The following GRM8 variants were observed in gnomAD, a reference collection of about 807,000 sequenced individuals.
GRM8 encodes the protein metabotropic glutamate receptor 8.
Under a neutral mutation model 87.2 loss-of-function variants are expected in GRM8, and 47 were observed. The ratio of observed to expected loss-of-function variants is 0.54; its 90% confidence interval spans 0.43 to 0.69. The LOEUF (loss-of-function observed/expected upper bound fraction) is 0.69, where lower values mean the gene tolerates loss of function less well. Ranked by LOEUF, GRM8 falls within the 30% of genes least tolerant of loss-of-function variation. The pLI, the probability that GRM8 is intolerant of heterozygous loss-of-function variation, is 0.00. For synonymous variants in GRM8, 396 were observed against 404.5 expected (o/e 0.98, Z 0.25); for missense variants, 1,019 against 1,139.2 (o/e 0.89, Z 1.52).
At chr7:126,464,381 G>A (rs1286937899) in intron 9 of GRM8, among the ~76,000 whole-genome samples, 1 of 150,342 alleles carries the variant, frequency 6.7e-6, no homozygotes. Context: ...AGATCATTGG[G>A]TCTTGTAGTT....
intron 9 of GRM8, among the ~76,000 whole-genome samples, chr7:126,530,948 A>G (rs946844036): frequency 1.1e-4 from 16 of 152,136 alleles, no homozygotes; most frequent in Admixed American, 1.0e-3. Context: ...AGCTTGGACT[A>G]TAGGTGCACG....
At chr7:127,033,864 C>T (rs1052574510) in intron 3 of GRM8, among the ~76,000 whole-genome samples, 3 of 152,184 alleles carry the variant, frequency 2.0e-5, no homozygotes, top group African/African-American at 7.2e-5. Flanking sequence ...AAACACATTG[C>T]TTTTAATCTA....
chr7:126,706,133 T>A (rs2151413671), intron 7 of GRM8, among the ~76,000 whole-genome samples: 2 of 152,306 alleles, frequency 1.3e-5, no homozygotes, highest in Middle Eastern at 6.8e-3. Context: ...TTTCTCTTTG[T>A]TTCAATATCC....
intron 7 of GRM8, among the ~76,000 whole-genome samples, chr7:126,684,994 T>G (rs2151345612): frequency 6.6e-6 from 1 of 152,206 alleles, no homozygotes; most frequent in Non-Finnish European, 1.5e-5. Flanking sequence ...GAGGCACAAG[T>G]GGTAGCAGCA....
chr7:126,706,692 T>C (rs1467735601), intron 7 of GRM8, among the ~76,000 whole-genome samples: 3 of 152,138 alleles, frequency 2.0e-5, no homozygotes, highest in Non-Finnish European at 2.9e-5. Context: ...CCACATTAGG[T>C]CAACTCTCAG....
At chr7:127,181,042 G>A (rs1053638056) in intron 2 of GRM8, among the ~76,000 whole-genome samples, 11 of 152,144 alleles carry the variant, frequency 7.2e-5, no homozygotes, top group South Asian at 6.2e-4. Context: ...TCAGTAAAGA[G>A]AAAGTCAAAC....
Position 127,106,607 on chromosome 7 carries a change from T to C in GRM8, c.616A>G (p.Met206Val), listed in dbSNP as rs961905313. 6.2e-7 allele frequency: 1 copy of C among 1,613,910 alleles called. No individual in the cohort carries two copies. ...CCCAGTGCTGTCACGATGTCCACCA[T>C]GGCTTGGGCTTGGTAGGAGTCAGGC... is the stretch of plus-strand genomic sequence containing the variant. ...VPPDSYQAQA[M>V]VDIVTALGWN... The change falls in exon 3 of 11, where the codon ATG becomes GTG. Residue 206 changes from methionine (M) to valine (V), a missense_variant. Met to Val is a conservative substitution (Grantham distance 21, BLOSUM62 1). Coordinates refer to ENST00000339582, the MANE Select transcript of GRM8 (RefSeq NM_000845.3).
intron 9 of GRM8, among the ~76,000 whole-genome samples, chr7:126,483,626 A>T (rs970529669): frequency 2.6e-5 from 4 of 150,958 alleles, no homozygotes; most frequent in Admixed American, 2.0e-4. Context: ...TGTTACTCAA[A>T]TTTTCATATT....
chr7:126,568,378 T>C (rs1043140488), intron 8 of GRM8, among the ~76,000 whole-genome samples: 1 of 152,142 alleles, frequency 6.6e-6, no homozygotes, highest in African/African-American at 2.4e-5. Context: ...AAAACTCTAT[T>C]AACACAGGTA....
chr7:126,502,514 T>C (rs2150702371), intron 9 of GRM8, among the ~76,000 whole-genome samples: 1 of 152,208 alleles, frequency 6.6e-6, no homozygotes, highest in African/African-American at 2.4e-5. Flanking sequence ...AATATTTGCA[T>C]TTGACTTCAA....
intron 3 of GRM8, among the ~76,000 whole-genome samples, chr7:126,934,944 T>C (rs1806146271): frequency 6.6e-6 from 1 of 152,248 alleles, no homozygotes; most frequent in South Asian, 2.1e-4. Context: ...TTTTAACTGG[T>C]AGTAATTTAG....
chr7:126,812,424 T>C (rs1793387146), intron 6 of GRM8, among the ~76,000 whole-genome samples: 1 of 152,008 alleles, frequency 6.6e-6, no homozygotes, highest in African/African-American at 2.4e-5. Context: ...AACATGTTAC[T>C]ATACTGAATA....
At chr7:126,610,407 A>T (rs1458100896) in intron 7 of GRM8, among the ~76,000 whole-genome samples, 1 of 151,778 alleles carries the variant, frequency 6.6e-6, no homozygotes, top group East Asian at 1.9e-4. Context: ...ACCTGACACC[A>T]ATCCCTTTTC....
intron 7 of GRM8, among the ~76,000 whole-genome samples, chr7:126,755,898 G>A (rs995079597): frequency 1.6e-4 from 25 of 152,016 alleles, no homozygotes; most frequent in African/African-American, 6.0e-4. Flanking sequence ...GGATTAATCA[G>A]GTGCTCAACA....
Position 127,156,793 on chromosome 7 carries a change from G to T in GRM8, c.511-50081C>A, listed in dbSNP as rs142658587. 9.1e-4 allele frequency among the ~76,000 whole-genome samples: 139 copies of T among 152,238 alleles called. 1 individual carries two copies. The highest frequency in any genetic ancestry group is 3.3e-3 in the African/African-American group (136 of 41,556). On this transcript the variant is annotated intron_variant, in intron 2 of 10. Transcript: ENST00000339582. The stretch of plus-strand genomic sequence containing the variant: ...AATAAATGTCATCAAAGAGGGAAGA[G>T]AGATTATTGATAACATGAAGCAGGA...
At chr7:127,202,152 C>T (rs898352602) in intron 2 of GRM8, among the ~76,000 whole-genome samples, 1 of 150,342 alleles carries the variant, frequency 6.7e-6, no homozygotes, top group Non-Finnish European at 1.5e-5. Flanking sequence ...TATAAATATA[C>T]CATGATAACA....
intron 3 of GRM8, among the ~76,000 whole-genome samples, chr7:126,910,077 T>G (rs999008782): frequency 6.6e-6 from 1 of 152,096 alleles, no homozygotes; most frequent in Non-Finnish European, 1.5e-5. Flanking sequence ...GTCCTTCTGT[T>G]ATCCTAAATA....
intron 2 of GRM8, among the ~76,000 whole-genome samples, chr7:127,118,607 C>T (rs1826842745): frequency 6.6e-6 from 1 of 152,186 alleles, no homozygotes; most frequent in African/African-American, 2.4e-5. Flanking sequence ...GTGCTTAGTG[C>T]TCTAGCTTCA....
intron 6 of GRM8, among the ~76,000 whole-genome samples, chr7:126,827,686 A>G (rs1794957472): frequency 6.6e-6 from 1 of 152,128 alleles, no homozygotes; most frequent in African/African-American, 2.4e-5. Context: ...TTCTTTTCCT[A>G]ATTGAATACC....
Sources: gnomAD v4.1 joint callset for allele counts (sites outside exome capture counted in the v4.1 genomes callset) on GRCh38, gnomAD v4.1.1 for gene constraint, MANE v1.5 for transcripts, NCBI Gene and HGNC (gene_info 2026-07-23, HGNC 2026-07-21) for gene names.